ANO6: variants seen among roughly 807,000 people sequenced by gnomAD.
ANO6 encodes the protein anoctamin-6.
A neutral mutation model predicts 117.5 loss-of-function variants in ANO6; 106 were observed. The observed-to-expected ratio is 0.90, with a 90% CI of 0.77 to 1.06. The LOEUF (loss-of-function observed/expected upper bound fraction) is 1.06. Ranked by LOEUF, ANO6 falls within the 50% of genes least tolerant of loss-of-function variation. The pLI is 0.00. For synonymous variants in ANO6, 367 were observed against 385.1 expected, an observed-to-expected ratio of 0.95 and a Z score of 0.55; for missense variants, 955 against 1,121.1, an observed-to-expected ratio of 0.85 and a Z score of 2.12.
chr12:45,334,604 C>T (rs1205901124), intron 3 of ANO6, among the ~76,000 whole-genome samples: 1 of 152,014 alleles, frequency 6.6e-6, no homozygotes, highest in African/African-American at 2.4e-5. Flanking sequence ...AAATCAACTA[C>T]TGGAAATATG....
chr12:45,345,384 C>G (rs1425339472), intron 3 of ANO6, among the ~76,000 whole-genome samples: 1 of 152,170 alleles, frequency 6.6e-6, no homozygotes, highest in Non-Finnish European at 1.5e-5. Context: ...CATAGCACAG[C>G]AACTCATCCC....
chr12:45,349,707 A>G (rs1027356174), intron 6 of ANO6, among the ~76,000 whole-genome samples: 1 of 152,282 alleles, frequency 6.6e-6, no homozygotes, highest in Admixed American at 6.5e-5. Context: ...TACACATGGA[A>G]AAGTAGAGAA....
intron 7 of ANO6, among the ~76,000 whole-genome samples, chr12:45,351,298 A>G (rs1185977625): frequency 6.6e-6 from 1 of 152,216 alleles, no homozygotes; most frequent in Non-Finnish European, 1.5e-5. Flanking sequence ...ATGGTAAGAC[A>G]TGTACATTTT....
In ANO6 at chr12:45,431,935, C is replaced by T; in HGVS notation, c.*2624C>T. 1 of 985,100 alleles carries T rather than the reference C, an allele frequency of 1.0e-6. No homozygotes were observed. Among genetic ancestry groups the T allele is most frequent in the South Asian group, 4.7e-5 (1 of 21,286 alleles). The allele number at this position is 985,100 out of a possible 1,614,324, so 61.0% of individuals were successfully genotyped here. ...AGGGGATTTTTCATTAAACATCCCT[C>T]AGATAATTTAGCTATATATCATTAG... On this transcript the variant is annotated 3_prime_UTR_variant, in exon 20 of 20. Transcript: ENST00000320560.
intron 3 of ANO6, among the ~76,000 whole-genome samples, chr12:45,340,952 A>AT (rs775993831): frequency 2.0e-5 from 3 of 152,204 alleles, no homozygotes; most frequent in Non-Finnish European, 1.5e-5. Flanking sequence ...GGTTTGATCA[A>AT]TTTTTTAAGT....
chr12:45,308,048 A>ATTTTTTTTTTTTTTTTTTTTTTTTTT (rs1218638312), intron 2 of ANO6, among the ~76,000 whole-genome samples: 1 of 69,296 alleles, frequency 1.4e-5, no homozygotes, highest in Non-Finnish European at 2.6e-5. Context: ...TGTGTGTGTA[A>ATTTTTTTTTTTTTTTTTTTTTTTTTT]TTTTTTTTTT....
chr12:45,345,034 G>A (rs1051532332), intron 3 of ANO6, among the ~76,000 whole-genome samples: 4 of 152,068 alleles, frequency 2.6e-5, no homozygotes, highest in African/African-American at 9.7e-5. Context: ...GGCATTTCTA[G>A]GCCATTTGCT....
intron 1 of ANO6, among the ~76,000 whole-genome samples, chr12:45,297,915 T>C (rs1235854081): frequency 3.9e-5 from 6 of 152,180 alleles, no homozygotes; most frequent in Admixed American, 3.9e-4. Flanking sequence ...ACACTAAAAT[T>C]AACATTAATT....
chr12:45,430,202 A>C lies in ANO6; in HGVS notation c.*891A>C, dbSNP rs17095888. ...TGATTAAAATTACATTTTTATCAAC[A>C]TAATTGTCTGGAAAAGATAAGCCCC... On this transcript the variant is annotated 3_prime_UTR_variant, in exon 20 of 20. Transcript: ENST00000320560. The C allele has an allele frequency of 1.0e-6, 1 of 985,314 alleles. No homozygotes were observed. The highest frequency in any genetic ancestry group is 1.7e-5 in the African/African-American group (1 of 57,242). 61.0% of individuals were successfully genotyped at this position (985,314 alleles called of 1,614,324 possible).
chr12:45,347,944 C>T, intron 4 of ANO6, 84 bp from the exon 5 acceptor site: 1 of 1,362,058 alleles, frequency 7.3e-7, no homozygotes, highest in Non-Finnish European at 1.0e-6. Context: ...TTTAAAGCTA[C>T]CAACAACATA....
intron 8 of ANO6, among the ~76,000 whole-genome samples, chr12:45,367,370 G>T (rs1941712524): frequency 6.6e-6 from 1 of 152,176 alleles, no homozygotes; most frequent in Non-Finnish European, 1.5e-5. Context: ...AGTAATAACA[G>T]TTCTCTTTCT....
chr12:45,296,670 A>G (rs771162907), intron 1 of ANO6, among the ~76,000 whole-genome samples: 4 of 152,190 alleles, frequency 2.6e-5, no homozygotes, highest in Non-Finnish European at 5.9e-5. Context: ...TCTTTGGATT[A>G]TTCACAGCAG....
intron 10 of ANO6, among the ~76,000 whole-genome samples, chr12:45,378,855 A>AAGT (rs1565733933): frequency 6.6e-6 from 1 of 152,204 alleles, no homozygotes. Context: ...ATATTTAATG[A>AAGT]GTATCTGCTA....
intron 1 of ANO6, among the ~76,000 whole-genome samples, chr12:45,275,468 A>G (rs1938526403): frequency 6.6e-6 from 1 of 152,180 alleles, no homozygotes; most frequent in African/African-American, 2.4e-5. Context: ...TCGACCTCCC[A>G]AAGTGCTGGG....
intron 19 of ANO6, among the ~76,000 whole-genome samples, chr12:45,439,180 C>T (rs1943742486): frequency 6.6e-6 from 1 of 152,172 alleles, no homozygotes; most frequent in South Asian, 2.1e-4. Context: ...GCTGCTACTT[C>T]TCCAGCCACC....
rs572207535 is a variant in ANO6 at position 45,298,090 on chromosome 12, C to T, written c.71-3924C>T. Among the ~76,000 whole-genome samples, 64 of 152,264 alleles carry T rather than the reference C, an allele frequency of 4.2e-4. 1 individual carries two copies. Among genetic ancestry groups the T allele is most frequent in the South Asian group, 2.3e-3 (11 of 4,822 alleles). ...GTGCATCCATGCGAAATCCCACTGA[C>T]GTATCAAGACCAAGGTTTCTGTCAT... On this transcript the variant is annotated intron_variant, in intron 1 of 19. Transcript: ENST00000320560.
chr12:45,375,703 T>C (rs1941992108), intron 9 of ANO6, among the ~76,000 whole-genome samples: 1 of 151,678 alleles, frequency 6.6e-6, no homozygotes, highest in Non-Finnish European at 1.5e-5. Context: ...CAAAAATCAA[T>C]TCAAGATGGA....
At chr12:45,276,279 T>C (rs1296918449) in intron 1 of ANO6, among the ~76,000 whole-genome samples, 1 of 152,146 alleles carries the variant, frequency 6.6e-6, no homozygotes, top group East Asian at 1.9e-4. Context: ...TCAACATTAG[T>C]CTAATGACTG....
At chr12:45,330,304 A>C (rs1470351471) in intron 2 of ANO6, among the ~76,000 whole-genome samples, 1 of 152,148 alleles carries the variant, frequency 6.6e-6, no homozygotes, top group Non-Finnish European at 1.5e-5. Flanking sequence ...GTGTGGTAAA[A>C]TTGTGTAGCT....
Sources: allele counts gnomAD v4.1 joint callset (sites outside exome capture counted in the v4.1 genomes callset), GRCh38; gene constraint gnomAD v4.1.1; transcripts MANE v1.5; gene names NCBI Gene and HGNC (gene_info 2026-07-23, HGNC 2026-07-21).